NALF1: variants seen among roughly 807,000 people sequenced by gnomAD.
NALF1 encodes family with sequence similarity 155 member A.
A neutral mutation model predicts 48.4 loss-of-function variants in NALF1; 3 were observed. The observed-to-expected ratio is 0.06, with a 90% CI of 0.03 to 0.16. NALF1 has a LOEUF of 0.16. NALF1 is among the 10% of genes least tolerant of loss of function. NALF1 has a pLI of 1.00. For synonymous variants in NALF1, 262 were observed against 245.7 expected, an observed-to-expected ratio of 1.07 and a Z score of -0.62; for missense variants, 526 against 571.5, an observed-to-expected ratio of 0.92 and a Z score of 0.81.
At chr13:107,776,277 G>T (rs756589819) in intron 1 of NALF1, among the ~76,000 whole-genome samples, 2 of 152,124 alleles carry the variant, frequency 1.3e-5, no homozygotes, top group Admixed American at 6.6e-5. Context: ...CATCAGCTGG[G>T]TAAGTTTTCT....
intron 1 of NALF1, among the ~76,000 whole-genome samples, chr13:107,757,415 CTT>C (rs3074821): frequency 8.3e-5 from 9 of 107,888 alleles, no homozygotes; most frequent in Non-Finnish European, 1.2e-4. Flanking sequence ...GCCCTCATTT[CTT>C]TTTTTTTTTT....
chr13:107,369,384 A>T (rs1183129596), intron 1 of NALF1, among the ~76,000 whole-genome samples: 6 of 152,230 alleles, frequency 3.9e-5, no homozygotes, highest in Non-Finnish European at 1.5e-5. Flanking sequence ...TCAAGTGGTA[A>T]AAACAGGACA....
At chr13:107,500,667 T>C (rs376433932) in intron 1 of NALF1, among the ~76,000 whole-genome samples, 58 of 150,802 alleles carry the variant, frequency 3.8e-4, no homozygotes, top group Non-Finnish European at 6.9e-4. Flanking sequence ...ATGTTTATTG[T>C]GGCACTATTC....
intron 1 of NALF1, among the ~76,000 whole-genome samples, chr13:107,596,670 T>G (rs61965948): frequency 3.3e-5 from 5 of 151,284 alleles, no homozygotes; most frequent in Non-Finnish European, 7.4e-5. Context: ...GGGGCCCTGT[T>G]GAGGGGGGTG....
chr13:107,725,686 C>CAAAA (rs1262849129), intron 1 of NALF1, among the ~76,000 whole-genome samples: 4,833 of 95,678 alleles, frequency 0.051, 87 homozygotes, highest in Non-Finnish European at 0.064. Context: ...CTCTGTCTCT[C>CAAAA]AAAAAAAAAA....
intron 1 of NALF1, among the ~76,000 whole-genome samples, chr13:107,424,312 A>G (rs1394973193): frequency 6.6e-6 from 1 of 151,886 alleles, no homozygotes; most frequent in Non-Finnish European, 1.5e-5. Flanking sequence ...TAATCTGTCT[A>G]TTTTATCTAG....
chr13:107,788,227 G>T (rs1004249122), intron 1 of NALF1: 1 of 151,836 alleles, frequency 6.6e-6, no homozygotes, highest in South Asian at 2.1e-4. Flanking sequence ...CTGGATCATT[G>T]TAACAGCCTC....
chr13:107,372,424 G>A (rs183064089), intron 1 of NALF1, among the ~76,000 whole-genome samples: 100 of 152,288 alleles, frequency 6.6e-4, no homozygotes, highest in African/African-American at 2.2e-3. Flanking sequence ...TATAATTTGC[G>A]TATAACCACA....
chr13:107,520,744 G>A lies in NALF1; in HGVS notation c.916-309989C>T, dbSNP rs78498920. ...ACTGCCTGCCCGTGCATCATAGAAC[G>A]TTTGCATCACCATCCACTAAATGCT... On this transcript the variant is annotated intron_variant, in intron 1 of 2. Coordinates refer to ENST00000375915, the MANE Select transcript of NALF1 (RefSeq NM_001080396.3). Among the ~76,000 whole-genome samples the A allele has an allele frequency of 1.8e-4, 28 of 152,256 alleles. No individual in the cohort carries two copies. The East Asian group carries it at 3.3e-3, about 18-fold the overall frequency.
chr13:107,301,657 TA>T (rs1343403852), intron 1 of NALF1, among the ~76,000 whole-genome samples: 2 of 152,248 alleles, frequency 1.3e-5, no homozygotes, highest in African/African-American at 4.8e-5. Flanking sequence ...TATTAGAATG[TA>T]GTTATTTCCT....
At chr13:107,748,335 T>A (rs1231256416) in intron 1 of NALF1, among the ~76,000 whole-genome samples, 1 of 152,230 alleles carries the variant, frequency 6.6e-6, no homozygotes, top group African/African-American at 2.4e-5. Context: ...ATGTTCCTTA[T>A]GAGCAAATTG....
intron 1 of NALF1, among the ~76,000 whole-genome samples, chr13:107,467,220 AC>A (rs1243124927): frequency 6.6e-6 from 1 of 152,200 alleles, no homozygotes; most frequent in Non-Finnish European, 1.5e-5. Flanking sequence ...TTCCATGTTG[AC>A]ATAGAAGTAA....
At chr13:107,635,606 C>T (rs1049964756) in intron 1 of NALF1, among the ~76,000 whole-genome samples, 3 of 152,110 alleles carry the variant, frequency 2.0e-5, no homozygotes, top group African/African-American at 7.2e-5. Flanking sequence ...AGCTGATTAT[C>T]CTTGGACAAT....
intron 1 of NALF1, among the ~76,000 whole-genome samples, chr13:107,727,594 G>T (rs1876195759): frequency 6.6e-6 from 1 of 152,136 alleles, no homozygotes; most frequent in South Asian, 2.1e-4. Flanking sequence ...AAACCTACGT[G>T]ACGCCATTCA....
chr13:107,735,307 G>T (rs933951330), intron 1 of NALF1, among the ~76,000 whole-genome samples: 2 of 152,182 alleles, frequency 1.3e-5, no homozygotes, highest in Admixed American at 1.3e-4. Flanking sequence ...CAGACTAAAT[G>T]ACGAGTATTT....
At chr13:107,705,472 G>A (rs1331420724) in intron 1 of NALF1, among the ~76,000 whole-genome samples, 1 of 151,222 alleles carries the variant, frequency 6.6e-6, no homozygotes, top group Non-Finnish European at 1.5e-5. Flanking sequence ...AATGCAATGA[G>A]CTGCAAAAGG....
In NALF1 at chr13:107,314,391, G is replaced by C. The variant is rs571559297; in HGVS notation, c.916-103636C>G. Among the ~76,000 whole-genome samples the C allele has an allele frequency of 3.3e-5, 5 of 152,166 alleles. No individual in the cohort carries two copies. In the South Asian group the frequency reaches 1.0e-3, roughly 32 times the overall value. On this transcript the variant is annotated intron_variant, in intron 1 of 2. Coordinates refer to ENST00000375915, the MANE Select transcript of NALF1 (RefSeq NM_001080396.3). ...CTTAATGAGACTCTGGGAGTTCCCT[G>C]TCTTAGCCCTTCTTAGTTTTATTTT...
At chr13:107,683,658 G>C (rs926855695) in intron 1 of NALF1, among the ~76,000 whole-genome samples, 9 of 152,148 alleles carry the variant, frequency 5.9e-5, no homozygotes, top group Non-Finnish European at 1.2e-4. Context: ...CTGGAAAGTT[G>C]AATGCTGGGG....
intron 1 of NALF1, among the ~76,000 whole-genome samples, chr13:107,795,661 ATT>A (rs1284606020): frequency 6.6e-6 from 1 of 152,154 alleles, no homozygotes; most frequent in Non-Finnish European, 1.5e-5. Flanking sequence ...AATAATTATC[ATT>A]GTTATTATCC....
Sources: gnomAD v4.1 joint callset for allele counts (sites outside exome capture counted in the v4.1 genomes callset) on GRCh38, gnomAD v4.1.1 for gene constraint, MANE v1.5 for transcripts, NCBI Gene and HGNC (gene_info 2026-07-23, HGNC 2026-07-21) for gene names.